The following RSRP1 variants were observed in gnomAD, a reference collection of about 807,000 sequenced individuals.
The protein encoded by RSRP1 is arginine and serine rich protein 1, also known as arginine/serine-rich protein 1.
A neutral mutation model predicts 33.0 loss-of-function variants in RSRP1; 37 were observed. The observed-to-expected ratio is 1.12, with a 90% CI of 0.86 to 1.48. The LOEUF (loss-of-function observed/expected upper bound fraction) is 1.48. Among genes scored for constraint, RSRP1 ranks in the 40% most tolerant of loss-of-function variants. The probability of loss-of-function intolerance (pLI) is 0.00; values close to 1 mark genes in which losing one functional copy is unlikely to be tolerated. For missense variants in RSRP1, 402 were observed against 385.3 expected (o/e 1.04, Z -0.36); for synonymous variants, 167 against 158.7 (o/e 1.05, Z -0.40).
At position 25,305,725 on chromosome 1, in the gene RSRP1, T is replaced by C. The variant is rs1195121177; in HGVS notation, c.-67+32253A>G. ...ACACCATTCTCCTGCCTCAGCCTCC[T>C]GAGTAGCTGGGTCTACAGGCGCCCA... On this transcript the variant is annotated intron_variant, in intron 1 of 1. Coordinates refer to the RSRP1 transcript ENST00000561867. 6.9e-5 allele frequency among the ~76,000 whole-genome samples: 9 copies of C among 130,382 alleles called. 1 individual carries two copies. The highest frequency in any genetic ancestry group is 4.5e-4 in the Admixed American group (6 of 13,314). 85.5% of individuals were successfully genotyped at this position (130,382 alleles called of 152,430 possible). A position where few individuals can be genotyped will look rare whatever the true frequency, so the allele number is the denominator to read the frequency against.
At chr1:25,305,234 T>C (rs1643707198) in intron 1 of RSRP1, among the ~76,000 whole-genome samples, 1 of 130,584 alleles carries the variant, frequency 7.7e-6, no homozygotes, top group Non-Finnish European at 1.8e-5. Context: ...TATGAAAGCT[T>C]ATTGTTAAGA....
rs763018743 is a variant in RSRP1 at position 25,246,632 on chromosome 1, T to C, written c.332A>G (p.Tyr111Cys). ...CGACCTGCTACGGGACCGGGACCGG[T>C]ACCGCGAAGGAGACCGGTAGTATCT... The part of the protein sequence containing the change: ...TRRYYRSPSR[Y>C]RSRSRSRSRS... The change falls in exon 2 of 5, where the codon TAC becomes TGC. Residue 111 changes from tyrosine to cysteine, a missense_variant. By Grantham distance (194) the Tyr-to-Cys change is radical. Coordinates refer to ENST00000243189, the MANE Select transcript of RSRP1 (RefSeq NM_020317.5). 5.6e-6 allele frequency: 9 copies of C among 1,613,780 alleles called. No individual in the cohort carries two copies. The highest frequency in any genetic ancestry group is 7.6e-6 in the Non-Finnish European group (9 of 1,179,932).
chr1:25,331,775 T>A (rs1645014619), intron 1 of RSRP1, among the ~76,000 whole-genome samples: 1 of 106,630 alleles, frequency 9.4e-6, no homozygotes, highest in East Asian at 2.2e-4. Context: ...AGTCTCGCTC[T>A]GTTACCCAGG....
chr1:25,337,085 TG>T, intron 1 of RSRP1: 1 of 171,414 alleles, frequency 5.8e-6, no homozygotes, highest in Non-Finnish European at 1.3e-5. Context: ...GACCACTTCC[TG>T]GATCTCTCCC....
intron 1 of RSRP1, chr1:25,253,826 A>C (rs1639865534): frequency 6.6e-6 from 1 of 152,302 alleles, no homozygotes; most frequent in African/African-American, 2.4e-5. Flanking sequence ...AAGTTGGAGC[A>C]GCTGATTGCA....
At chr1:25,272,738 G>C in intron 1 of RSRP1, 1 of 1,375,970 alleles carries the variant, frequency 7.3e-7, no homozygotes, top group Non-Finnish European at 1.0e-6. Context: ...CAAATAGCAG[G>C]GGCAGGGGCG....
chr1:25,312,787 G>A (rs1226474399), intron 1 of RSRP1, among the ~76,000 whole-genome samples: 1 of 119,466 alleles, frequency 8.4e-6, no homozygotes, highest in African/African-American at 2.8e-5. Context: ...GGATATGGTG[G>A]CACACATCTG....
In RSRP1 at chr1:25,300,489, G is replaced by A. The variant is rs1446727309; in HGVS notation, c.-67+37489C>T. ...GCCACACCACTGCACTCCAGCTTGA[G>A]CAATGGAGCAAGACTCTGTCTCAAA... is the stretch of plus-strand genomic sequence containing the variant. On this transcript the variant is annotated intron_variant, in intron 1 of 1. Transcript: ENST00000561867. Among the ~76,000 whole-genome samples the A allele has an allele frequency of 7.3e-5, 7 of 96,486 alleles. 2 individuals are homozygous for A. Among genetic ancestry groups the A allele is most frequent in the Admixed American group, 3.1e-4 (3 of 9,612 alleles). The allele number at this position is 96,486 out of a possible 152,430, so 63.3% of individuals were successfully genotyped here. A position where few individuals can be genotyped will look rare whatever the true frequency, so the allele number is the denominator to read the frequency against.
At chr1:25,331,864 G>T (rs376433893) in intron 1 of RSRP1, among the ~76,000 whole-genome samples, 2 of 119,766 alleles carry the variant, frequency 1.7e-5, no homozygotes, top group African/African-American at 5.7e-5. Context: ...CTCAGCCTCC[G>T]GAGTAGCTGG....
In RSRP1 at chr1:25,279,283, C is replaced by T. The variant is rs1306030842; in HGVS notation, c.-66-32254G>A. ...ACCCAATGCTGGGCGAAGTGACTTG[C>T]ATGAGCCAGCGAGCTCAATGCTCAT... On this transcript the variant is annotated intron_variant, in intron 1 of 1. Transcript: ENST00000561867. Among the ~76,000 whole-genome samples the T allele has an allele frequency of 1.6e-5, 2 of 128,444 alleles. 1 individual carries two copies. Among genetic ancestry groups the T allele is most frequent in the Non-Finnish European group, 3.7e-5 (2 of 54,688 alleles). The allele number at this position is 128,444 out of a possible 152,430, so 84.3% of individuals were successfully genotyped here.
chr1:25,316,724 C>G lies in RSRP1; in HGVS notation c.-67+21254G>C, dbSNP rs1192964744. Among the ~76,000 whole-genome samples the G allele has an allele frequency of 1.7e-5, 2 of 119,882 alleles. 1 individual carries two copies. The highest frequency in any genetic ancestry group is 4.0e-5 in the Non-Finnish European group (2 of 50,168). 78.6% of individuals were successfully genotyped at this position (119,882 alleles called of 152,430 possible). A position where few individuals can be genotyped will look rare whatever the true frequency, so the allele number is the denominator to read the frequency against. ...GTAAGTGACAGAGCTGGGACTTGAG[C>G]TTGGGTTTTCTGACTCCTGGTCTGG... is the stretch of plus-strand genomic sequence containing the variant. On this transcript the variant is annotated intron_variant, in intron 1 of 1. Transcript: ENST00000561867.
chr1:25,254,195 C>G (rs772762707), intron 1 of RSRP1, among the ~76,000 whole-genome samples: 1 of 152,132 alleles, frequency 6.6e-6, no homozygotes, highest in Non-Finnish European at 1.5e-5. Context: ...AATTACTGAG[C>G]CTTGGTGTAA....
At position 25,293,148 on chromosome 1, in the gene RSRP1, A is replaced by T. The variant is rs1220515914; in HGVS notation, c.-67+44830T>A. 6.1e-5 allele frequency among the ~76,000 whole-genome samples: 8 copies of T among 131,596 alleles called. 3 individuals are homozygous for T. The allele number at this position is 131,596 out of a possible 152,430, so 86.3% of individuals were successfully genotyped here. On this transcript the variant is annotated intron_variant, in intron 1 of 1. Transcript: ENST00000561867. ...CAGGAGATGAGAAAGTGGAGACAGC[A>T]TGCAGGGGCAGCTCTGCCAAGGACT...
rs111261881 is a variant in RSRP1 at position 25,269,364 on chromosome 1, G to C, written c.-66-22335C>G. Among the ~76,000 whole-genome samples, 11 of 133,150 alleles carry C rather than the reference G, an allele frequency of 8.3e-5. 3 individuals are homozygous for C. Among genetic ancestry groups the C allele is most frequent in the African/African-American group, 2.8e-4 (11 of 39,080 alleles). The allele number at this position is 133,150 out of a possible 152,430, so 87.4% of individuals were successfully genotyped here. On this transcript the variant is annotated intron_variant, in intron 1 of 1. Transcript: ENST00000561867. ...TGTGTTGCTTTCGCGCCATCATAAA[G>C]TTGAAAAGCGTTAAGTCAAACCATC...
In RSRP1 at chr1:25,274,729, G is replaced by A. The variant is rs1340307890; in HGVS notation, c.-66-27700C>T. Among the ~76,000 whole-genome samples the A allele has an allele frequency of 1.2e-4, 16 of 133,908 alleles. 1 individual carries two copies. The highest frequency in any genetic ancestry group is 8.7e-4 in the Admixed American group (12 of 13,850). The allele number at this position is 133,908 out of a possible 152,430, so 87.8% of individuals were successfully genotyped here. Reference sequence around the variant, plus strand: ...AGCCTAAAAGGGGAAACAAAGGGCCGGGCGACGTGGCTCACGCCTGTAATC... The same window carrying A: ...AGCCTAAAAGGGGAAACAAAGGGCCAGGCGACGTGGCTCACGCCTGTAATC... On this transcript the variant is annotated intron_variant, in intron 1 of 1. Transcript: ENST00000561867.
At chr1:25,321,047 A>T (rs1207332242) in intron 1 of RSRP1, among the ~76,000 whole-genome samples, 1 of 131,156 alleles carries the variant, frequency 7.6e-6, no homozygotes, top group Non-Finnish European at 1.8e-5. Context: ...CTGTCCCAAA[A>T]ATAAAAAATA....
At chr1:25,299,031 G>A (rs1178550920) in intron 1 of RSRP1, among the ~76,000 whole-genome samples, 7 of 105,518 alleles carry the variant, frequency 6.6e-5, no homozygotes, top group African/African-American at 1.6e-4. Context: ...TGGGAGGGCT[G>A]TTTACCAGCC....
chr1:25,286,474 G>T (rs1313083856), intron 1 of RSRP1, among the ~76,000 whole-genome samples: 8 of 135,126 alleles, frequency 5.9e-5, no homozygotes, highest in African/African-American at 1.8e-4. Context: ...GGACAACAGA[G>T]TGAGACCCTG....
intron 3 of RSRP1, 82 bp from the exon 4 acceptor site, chr1:25,243,715 A>G: frequency 6.5e-7 from 1 of 1,548,598 alleles, no homozygotes; most frequent in Non-Finnish European, 8.7e-7. Context: ...GCCTAATTGT[A>G]AACAAAATTT....
Sources: gnomAD v4.1 joint callset for allele counts (sites outside exome capture counted in the v4.1 genomes callset) on GRCh38, gnomAD v4.1.1 for gene constraint, MANE v1.5 for transcripts, NCBI Gene and HGNC (gene_info 2026-07-23, HGNC 2026-07-21) for gene names.